The following PCSK1 variants were observed in gnomAD, a reference collection of about 807,000 sequenced individuals.
PCSK1 encodes neuroendocrine convertase 1.
PCSK1 carries 56 observed loss-of-function variants against 90.6 expected under a neutral mutation model. That is an observed-to-expected ratio of 0.62 (90% CI 0.50 to 0.77). The LOEUF is 0.77. PCSK1 is among the 30% of genes least tolerant of loss of function. The pLI is 0.00. For missense variants in PCSK1, 801 were observed against 932.6 expected (o/e 0.86, Z 1.84); for synonymous variants, 348 against 342.4 (o/e 1.02, Z -0.18).
At chr5:96,426,669 G>C (rs1221034683) in intron 2 of PCSK1, among the ~76,000 whole-genome samples, 1 of 152,154 alleles carries the variant, frequency 6.6e-6, no homozygotes, top group Non-Finnish European at 1.5e-5. Context: ...TATTCATTAT[G>C]AGATAATTCT....
At chr5:96,406,511 T>A (rs187287788) in intron 9 of PCSK1, among the ~76,000 whole-genome samples, 5 of 152,302 alleles carry the variant, frequency 3.3e-5, no homozygotes, top group African/African-American at 9.6e-5. Flanking sequence ...GGACTCTTGG[T>A]AAGAGCCTTG....
chr5:96,425,062 A>AAGAG (rs1252082497), intron 3 of PCSK1, among the ~76,000 whole-genome samples: 73 of 142,572 alleles, frequency 5.1e-4, no homozygotes, highest in Non-Finnish European at 8.3e-4. Flanking sequence ...GAAAGAAAGA[A>AAGAG]AGAAAGAAAG....
At chr5:96,429,702 C>T (rs7728565) in intron 1 of PCSK1, among the ~76,000 whole-genome samples, 8 of 152,070 alleles carry the variant, frequency 5.3e-5, no homozygotes, top group Admixed American at 3.3e-4. Context: ...TGAGAACATG[C>T]GGTATTCGGT....
Position 96,390,613 on chromosome 5 carries a change from T to A in PCSK1, c.*2388A>T, listed in dbSNP as rs1216670874. 6.6e-6 allele frequency: 1 copy of A among 152,646 alleles called. No homozygotes were observed. Among genetic ancestry groups the A allele is most frequent in the Admixed American group, 6.5e-5 (1 of 15,284 alleles). The allele number at this position is 152,646 out of a possible 1,614,324, so 9.5% of individuals were successfully genotyped here. ...ATTTTATTGGGTGAAACTTTCTTAT[T>A]CTCAGGAAAACTTTTGGTTCTTTAA... On this transcript the variant is annotated 3_prime_UTR_variant, in exon 14 of 14. Coordinates refer to ENST00000311106, the MANE Select transcript of PCSK1 (RefSeq NM_000439.5).
Position 96,432,980 on chromosome 5 carries a change from T to C in PCSK1, c.63A>G (p.Ala21=). ...GCCTTTTCGCTTTTGCACTGTTCAG[T>C]GCACACCAAGCGCAAAAGAGGACGA... The part of the protein sequence containing the change: ...TAFVLFCAWC[A]LNSAKAKRQF... The change falls in exon 1 of 14, where the codon GCA becomes GCG. Residue 21 remains alanine (A), a synonymous_variant. Transcript: ENST00000311106. 1.2e-6 allele frequency: 2 copies of C among 1,614,226 alleles called. No individual in the cohort carries two copies. Among genetic ancestry groups the C allele is most frequent in the Non-Finnish European group, 1.7e-6 (2 of 1,180,032 alleles).
intron 6 of PCSK1, chr5:96,412,961 C>T (rs886710865): frequency 1.1e-4 from 115 of 1,013,374 alleles, no homozygotes; most frequent in Middle Eastern, 4.9e-4. Flanking sequence ...TCTGGTGATG[C>T]ACCTCCTCAT....
chr5:96,404,189 G>A (rs191925141), intron 9 of PCSK1, among the ~76,000 whole-genome samples: 30 of 152,328 alleles, frequency 2.0e-4, no homozygotes, highest in Admixed American at 1.4e-3. Flanking sequence ...ACAGGTGGAT[G>A]AGGTTGTAGG....
At chr5:96,399,821 A>T in intron 10 of PCSK1, 132 bp downstream of exon 10, 1 of 724,256 alleles carries the variant, frequency 1.4e-6, no homozygotes, top group Non-Finnish European at 2.5e-6. Flanking sequence ...GGATACCCAC[A>T]GAGAACACTA....
intron 6 of PCSK1, chr5:96,412,929 A>G: frequency 1.0e-6 from 1 of 957,112 alleles, no homozygotes. Context: ...ACCAGCTTTC[A>G]GAAAGACCCT....
chr5:96,405,081 G>T (rs1217656500), intron 9 of PCSK1, among the ~76,000 whole-genome samples: 1 of 152,086 alleles, frequency 6.6e-6, no homozygotes, highest in Non-Finnish European at 1.5e-5. Context: ...ATTCAGCTTT[G>T]GTATAGACAA....
intron 5 of PCSK1, 36 bp downstream of exon 5, chr5:96,421,844 A>G (rs753802443): frequency 1.9e-6 from 2 of 1,077,580 alleles, no homozygotes; most frequent in African/African-American, 1.6e-5. Context: ...AAGCATTGTA[A>G]AGTACTTTAT....
At position 96,408,221 on chromosome 5, in the gene PCSK1, A is replaced by C; in HGVS notation, c.1196+2T>G. The stretch of plus-strand genomic sequence containing the variant: ...GGTGATTAGAAGCTTTCTGGGCCTT[A>C]CTTTGCTTCCAGGGCCAGAGCGAAG... On this transcript the variant is annotated splice_donor_variant, in intron 9 of 13. Transcript: ENST00000311106. LOFTEE classifies it high-confidence loss of function. 6.2e-7 allele frequency: 1 copy of C among 1,609,162 alleles called. No homozygotes were observed. The highest frequency in any genetic ancestry group is 8.5e-7 in the Non-Finnish European group (1 of 1,175,532).
chr5:96,411,188 C>A (rs1436656617), intron 7 of PCSK1, among the ~76,000 whole-genome samples: 1 of 152,224 alleles, frequency 6.6e-6, no homozygotes, highest in African/African-American at 2.4e-5. Flanking sequence ...CTGGCCCTGC[C>A]AGTCTCTGGG....
chr5:96,423,488 T>C (rs1179943590), intron 3 of PCSK1, 29 bp from the exon 4 acceptor site: 2 of 1,611,138 alleles, frequency 1.2e-6, no homozygotes, highest in Non-Finnish European at 1.7e-6. Flanking sequence ...GAAGCATTGA[T>C]AAAATTATCA....
At chr5:96,421,083 G>A (rs1311884677) in intron 5 of PCSK1, among the ~76,000 whole-genome samples, 1 of 152,196 alleles carries the variant, frequency 6.6e-6, no homozygotes, top group Middle Eastern at 3.2e-3. Flanking sequence ...TCTCTCCCAT[G>A]GGCATGGACA....
intron 1 of PCSK1, among the ~76,000 whole-genome samples, chr5:96,431,304 C>T (rs1346889916): frequency 6.6e-6 from 1 of 152,240 alleles, no homozygotes; most frequent in African/African-American, 2.4e-5. Flanking sequence ...TCTCCGATCT[C>T]ATTATGTGCT....
chr5:96,398,980 C>T lies in PCSK1; in HGVS notation c.1487G>A (p.Gly496Glu). The part of the protein sequence containing the change: ...IIEIPTRACE[G>E]QENAIKSLEH... ...CAGGGACTTGATAGCATTTTCTTGTCCTTCACAAGCTCTTGTTGGAATTTC... is the reference window on the plus strand; with the variant it reads ...CAGGGACTTGATAGCATTTTCTTGTTCTTCACAAGCTCTTGTTGGAATTTC... Residue 496 changes from glycine (G) to glutamate (E), a missense_variant, in exon 11 of 14, where the codon GGA (glycine) becomes GAA (glutamate). Coordinates refer to ENST00000311106, the MANE Select transcript of PCSK1 (RefSeq NM_000439.5). The T allele has an allele frequency of 6.2e-7, 1 of 1,612,660 alleles. No individual in the cohort carries two copies.
chr5:96,414,096 G>A (rs1251947709), intron 6 of PCSK1, among the ~76,000 whole-genome samples: 7 of 142,504 alleles, frequency 4.9e-5, no homozygotes, highest in South Asian at 4.5e-4. Context: ...CCGAGATCGC[G>A]CCACTGCACT....
At chr5:96,402,537 C>G (rs1032168609) in intron 9 of PCSK1, among the ~76,000 whole-genome samples, 2 of 152,174 alleles carry the variant, frequency 1.3e-5, no homozygotes, top group Admixed American at 6.5e-5. Flanking sequence ...CTCCCCGCCT[C>G]ACACCTCAGA....
Sources: allele counts gnomAD v4.1 joint callset (sites outside exome capture counted in the v4.1 genomes callset), GRCh38; gene constraint gnomAD v4.1.1; transcripts MANE v1.5; gene names NCBI Gene and HGNC (gene_info 2026-07-23, HGNC 2026-07-21).